Variants in CPPED1 observed in about 807,000 individuals in gnomAD.
The protein encoded by CPPED1 is serine/threonine-protein phosphatase CPPED1.
Under a neutral mutation model 28.0 loss-of-function variants are expected in CPPED1, and 28 were observed. The observed-to-expected ratio is 1.00, with a 90% CI of 0.74 to 1.37. The LOEUF (loss-of-function observed/expected upper bound fraction) is 1.37, where lower values mean the gene tolerates loss of function less well. Ranked by LOEUF, CPPED1 falls within the 40% of genes most tolerant of loss-of-function variation. The pLI, the probability that CPPED1 is intolerant of heterozygous loss-of-function variation, is 0.00. For missense variants in CPPED1, 504 were observed against 416.5 expected, an observed-to-expected ratio of 1.21 and a Z score of -1.83; for synonymous variants, 198 against 180.2, an observed-to-expected ratio of 1.10 and a Z score of -0.79.
chr16:12,740,310 C>T (rs1025111239), intron 2 of CPPED1, among the ~76,000 whole-genome samples: 5 of 151,536 alleles, frequency 3.3e-5, no homozygotes, highest in East Asian at 1.9e-4. Flanking sequence ...CCGGGCATGA[C>T]GGCAGGCACC....
chr16:12,685,788 G>T (rs2079929638), intron 3 of CPPED1, among the ~76,000 whole-genome samples: 1 of 152,180 alleles, frequency 6.6e-6, no homozygotes, highest in Non-Finnish European at 1.5e-5. Context: ...GGCCACCCAG[G>T]GTCTGGGCAG....
intron 1 of CPPED1, among the ~76,000 whole-genome samples, chr16:12,790,918 C>CA (rs538022826): frequency 0.045 from 2,839 of 62,744 alleles, 126 homozygotes; most frequent in East Asian, 0.12. Context: ...GACTCTATCT[C>CA]AAAAAAAAAA....
chr16:12,667,373 T>G (rs1201000820), intron 3 of CPPED1, among the ~76,000 whole-genome samples: 2 of 152,162 alleles, frequency 1.3e-5, no homozygotes, highest in African/African-American at 4.8e-5. Context: ...AACATAGGCA[T>G]AAATTGAATG....
At chr16:12,710,060 A>C (rs1026699804) in intron 2 of CPPED1, among the ~76,000 whole-genome samples, 5 of 152,208 alleles carry the variant, frequency 3.3e-5, no homozygotes, top group African/African-American at 1.2e-4. Flanking sequence ...AAAGAAAGAA[A>C]TCAGTCAATT....
chr16:12,677,464 C>T (rs1445937668), intron 3 of CPPED1, among the ~76,000 whole-genome samples: 2 of 152,198 alleles, frequency 1.3e-5, no homozygotes, highest in Admixed American at 1.3e-4. Context: ...CATGGCAAAA[C>T]CCTGTCTCTA....
At chr16:12,686,244 T>A (rs868059391) in intron 3 of CPPED1, among the ~76,000 whole-genome samples, 6,344 of 151,544 alleles carry the variant, frequency 0.042, 248 homozygotes, top group African/African-American at 0.1. Flanking sequence ...TATATATATT[T>A]TTTTTTTTGA....
chr16:12,671,674 T>C (rs933438587), intron 3 of CPPED1, among the ~76,000 whole-genome samples: 11 of 152,232 alleles, frequency 7.2e-5, no homozygotes, highest in African/African-American at 2.7e-4. Flanking sequence ...ATGGACATTT[T>C]GGTCAATGAT....
intron 3 of CPPED1, among the ~76,000 whole-genome samples, chr16:12,703,457 G>C (rs2080030856): frequency 6.6e-6 from 1 of 152,140 alleles, no homozygotes. Flanking sequence ...CAAGGTGGGT[G>C]AATCACTTGG....
rs1306023649 is a variant in CPPED1, at chr16:12,741,868, C to T, written c.290-36819G>A. Among the ~76,000 whole-genome samples, 8 of 152,202 alleles carry T rather than the reference C, an allele frequency of 5.3e-5. No individual in the cohort carries two copies. In the East Asian group the frequency reaches 1.5e-3, roughly 29 times the overall value. On this transcript the variant is annotated intron_variant, in intron 2 of 3. Coordinates refer to ENST00000381774, the MANE Select transcript of CPPED1 (RefSeq NM_018340.3). ...GAGTTCGAAACCAGGAGTTCGAAAC[C>T]AGCATCGCCAACATGGTGAAATCCT...
Position 12,663,604 on chromosome 16 carries a change from T to C in CPPED1, c.*1282A>G, listed in dbSNP as rs1567269467. ...CCTTATGAATTTACATATTTAATTA[T>C]CTTTCCATTTAATTTCCCATGGTTT... is the stretch of plus-strand genomic sequence containing the variant. On this transcript the variant is annotated 3_prime_UTR_variant, in exon 4 of 4. Coordinates refer to ENST00000381774, the MANE Select transcript of CPPED1 (RefSeq NM_018340.3). 2 of 152,272 alleles carry C rather than the reference T, an allele frequency of 1.3e-5. No individual in the cohort carries two copies. The highest frequency in any genetic ancestry group is 4.8e-5 in the African/African-American group (2 of 41,472). The allele number at this position is 152,272 out of a possible 1,614,324, so 9.4% of individuals were successfully genotyped here.
At chr16:12,741,548 A>G (rs1278588720) in intron 2 of CPPED1, among the ~76,000 whole-genome samples, 3 of 152,238 alleles carry the variant, frequency 2.0e-5, no homozygotes, top group East Asian at 3.8e-4. Context: ...CACACAGGCC[A>G]TCAGAGAAAA....
intron 3 of CPPED1, among the ~76,000 whole-genome samples, chr16:12,675,950 T>G (rs1220121860): frequency 6.6e-6 from 1 of 152,216 alleles, no homozygotes; most frequent in African/African-American, 2.4e-5. Flanking sequence ...GATAAGAGAT[T>G]CTGGCCAGGG....
chr16:12,729,501 G>A lies in CPPED1; in HGVS notation c.290-24452C>T, dbSNP rs191576598. 2.0e-5 allele frequency among the ~76,000 whole-genome samples: 3 copies of A among 152,302 alleles called. 1 individual carries two copies. The East Asian group carries it at 5.8e-4, about 29-fold the overall frequency. ...TTTATTAATCATTCTATCTAATAAA[G>A]ATGTGGAATCAGAATCGTGTTGTCA... On this transcript the variant is annotated intron_variant, in intron 2 of 3. Coordinates refer to ENST00000381774, the MANE Select transcript of CPPED1 (RefSeq NM_018340.3).
intron 3 of CPPED1, among the ~76,000 whole-genome samples, chr16:12,703,373 T>C (rs1462415110): frequency 1.3e-5 from 2 of 152,168 alleles, no homozygotes; most frequent in East Asian, 3.9e-4. Flanking sequence ...TCCGTTACTC[T>C]CTCCGGATTC....
Position 12,664,546 on chromosome 16 carries a change from G to C in CPPED1, c.*340C>G, listed in dbSNP as rs2079814148. 1 of 1,093,562 alleles carries C rather than the reference G, an allele frequency of 9.1e-7. No homozygotes were observed. The highest frequency in any genetic ancestry group is 1.7e-5 in the African/African-American group (1 of 59,034). 67.7% of individuals were successfully genotyped at this position (1,093,562 alleles called of 1,614,324 possible). A position where few individuals can be genotyped will look rare whatever the true frequency, so the allele number is the denominator to read the frequency against. ...TGTCAGATTGGAATTGAGGTCGATA[G>C]GCAGACTTTGACCATATGCTAACCA... On this transcript the variant is annotated 3_prime_UTR_variant, in exon 4 of 4. Transcript: ENST00000381774. This position sits in a 1 kb window ranked among gnomAD's most constrained non-coding sequence, Gnocchi z 4.2.
At chr16:12,672,393 G>A (rs1237748498) in intron 3 of CPPED1, among the ~76,000 whole-genome samples, 2 of 152,174 alleles carry the variant, frequency 1.3e-5, no homozygotes, top group African/African-American at 4.8e-5. Flanking sequence ...CGTTAGTAAT[G>A]TTTATTTATG....
intron 2 of CPPED1, among the ~76,000 whole-genome samples, chr16:12,771,058 A>C (rs1391220951): frequency 6.6e-6 from 1 of 152,222 alleles, no homozygotes; most frequent in Non-Finnish European, 1.5e-5. Flanking sequence ...GAATTTAAAA[A>C]TCTAATAAAG....
chr16:12,707,131 G>C (rs1170028603), intron 2 of CPPED1, among the ~76,000 whole-genome samples: 1 of 152,188 alleles, frequency 6.6e-6, no homozygotes, highest in African/African-American at 2.4e-5. Context: ...GGAAAGACAA[G>C]TCCTTTGTAG....
intron 1 of CPPED1, among the ~76,000 whole-genome samples, chr16:12,802,031 C>T (rs8048541): frequency 0.25 from 37,290 of 152,006 alleles, 5,638 homozygotes; most frequent in African/African-American, 0.42. Flanking sequence ...ATACAGCTGC[C>T]TTTTGCTTCT....
Sources: allele counts gnomAD v4.1 joint callset (sites outside exome capture counted in the v4.1 genomes callset), GRCh38; gene constraint gnomAD v4.1.1; non-coding constraint Gnocchi (gnomAD v3.1); transcripts MANE v1.5; gene names NCBI Gene and HGNC (gene_info 2026-07-23, HGNC 2026-07-21).